Variants in ZMAT4 observed in about 807,000 individuals in gnomAD.
ZMAT4 encodes the protein zinc finger matrin-type 4, also known as zinc finger matrin-type protein 4.
ZMAT4 carries 17 observed loss-of-function variants against 28.7 expected under a neutral mutation model. That is an observed-to-expected ratio of 0.59 (90% CI 0.41 to 0.89). The LOEUF (loss-of-function observed/expected upper bound fraction) is 0.89. Ranked by LOEUF, ZMAT4 falls within the 40% of genes least tolerant of loss-of-function variation. The pLI is 0.00. For synonymous variants in ZMAT4, 117 were observed against 109.2 expected (o/e 1.07, Z -0.44); for missense variants, 240 against 283.8 (o/e 0.85, Z 1.11).
intron 3 of ZMAT4, among the ~76,000 whole-genome samples, chr8:40,741,735 G>T (rs897483142): frequency 6.6e-6 from 1 of 152,148 alleles, no homozygotes; most frequent in Admixed American, 6.5e-5. Flanking sequence ...TTGAATTGTG[G>T]CAATGACAAG....
chr8:40,742,749 G>GCACA (rs10533331), intron 3 of ZMAT4, among the ~76,000 whole-genome samples: 55 of 5,568 alleles, frequency 9.9e-3, no homozygotes, highest in African/African-American at 0.012. Flanking sequence ...GTGCACGCAT[G>GCACA]CACACACACA....
chr8:40,684,112 T>C (rs199612376), intron 4 of ZMAT4, among the ~76,000 whole-genome samples: 2 of 151,846 alleles, frequency 1.3e-5, no homozygotes, highest in East Asian at 3.9e-4. Context: ...GGGACATAAG[T>C]ACTGAAGTTG....
At chr8:40,549,980 C>T (rs1289039030) in intron 6 of ZMAT4, among the ~76,000 whole-genome samples, 1 of 152,158 alleles carries the variant, frequency 6.6e-6, no homozygotes, top group Non-Finnish European at 1.5e-5. Context: ...TCTCCTAAAA[C>T]TCACCAAACT....
intron 6 of ZMAT4, among the ~76,000 whole-genome samples, chr8:40,563,101 G>T (rs374650681): frequency 1.3e-5 from 2 of 152,036 alleles, no homozygotes; most frequent in South Asian, 4.1e-4. Flanking sequence ...GAACTCCAGA[G>T]CCATAAACCT....
intron 5 of ZMAT4, among the ~76,000 whole-genome samples, chr8:40,601,798 T>C (rs2118623101): frequency 6.6e-6 from 1 of 152,162 alleles, no homozygotes; most frequent in South Asian, 2.1e-4. Context: ...TAAGGTGTGT[T>C]TTATTCCTCT....
chr8:40,718,902 T>G (rs1484251919), intron 3 of ZMAT4, among the ~76,000 whole-genome samples: 2 of 152,140 alleles, frequency 1.3e-5, no homozygotes, highest in African/African-American at 4.8e-5. Flanking sequence ...TCCTCTAAAT[T>G]TCTGACATAT....
chr8:40,707,437 T>C (rs566966926), intron 3 of ZMAT4, among the ~76,000 whole-genome samples: 121 of 152,320 alleles, frequency 7.9e-4, no homozygotes, highest in Non-Finnish European at 1.4e-3. Context: ...ATATCACTTA[T>C]AATTATTAAA....
intron 4 of ZMAT4, among the ~76,000 whole-genome samples, chr8:40,680,700 G>GCACACA (rs111761901): frequency 0.025 from 3,784 of 149,168 alleles, 140 homozygotes; most frequent in African/African-American, 0.081. Context: ...CATGTCTAAT[G>GCACACA]TACACACACA....
At chr8:40,595,460 G>A (rs1805058794) in intron 5 of ZMAT4, among the ~76,000 whole-genome samples, 1 of 152,098 alleles carries the variant, frequency 6.6e-6, no homozygotes, top group South Asian at 2.1e-4. Context: ...AGGGAATTTT[G>A]TTGTGTGAAC....
chr8:40,622,905 C>T (rs1482961112), intron 5 of ZMAT4, among the ~76,000 whole-genome samples: 3 of 152,162 alleles, frequency 2.0e-5, no homozygotes, highest in Non-Finnish European at 4.4e-5. Context: ...CAAATTTCAA[C>T]ATGAGATTTG....
At chr8:40,865,124 C>G (rs1310302140) in intron 1 of ZMAT4, among the ~76,000 whole-genome samples, 1 of 152,166 alleles carries the variant, frequency 6.6e-6, no homozygotes, top group Non-Finnish European at 1.5e-5. Flanking sequence ...ACGGACATAT[C>G]TCAGCAAAAG....
chr8:40,788,110 A>G (rs1313657742), intron 2 of ZMAT4, among the ~76,000 whole-genome samples: 1 of 152,190 alleles, frequency 6.6e-6, no homozygotes, highest in Non-Finnish European at 1.5e-5. Flanking sequence ...ACTCAGACCA[A>G]TGGGGAAACA....
chr8:40,707,558 C>T (rs1036300603), intron 3 of ZMAT4, among the ~76,000 whole-genome samples: 6 of 151,940 alleles, frequency 3.9e-5, no homozygotes, highest in African/African-American at 1.5e-4. Context: ...CCAGAAAATA[C>T]TATTCAAACA....
At chr8:40,875,777 G>A (rs374760786) in intron 1 of ZMAT4, among the ~76,000 whole-genome samples, 4 of 152,218 alleles carry the variant, frequency 2.6e-5, no homozygotes, top group African/African-American at 9.6e-5. Context: ...AGACGATGGA[G>A]GAGGTCATTG....
At chr8:40,666,333 A>G (rs1460333737) in intron 5 of ZMAT4, among the ~76,000 whole-genome samples, 1 of 152,198 alleles carries the variant, frequency 6.6e-6, no homozygotes, top group African/African-American at 2.4e-5. Flanking sequence ...AGAGACAGGT[A>G]TCATCTTTTT....
intron 2 of ZMAT4, among the ~76,000 whole-genome samples, chr8:40,820,717 ACG>A (rs1451587727): frequency 1.3e-3 from 1 of 782 alleles, no homozygotes; most frequent in African/African-American, 5.4e-3. Flanking sequence ...GTGTATGGGT[ACG>A]TGTGTATGTC....
At chr8:40,561,885 C>A (rs557797778) in intron 6 of ZMAT4, among the ~76,000 whole-genome samples, 3 of 152,208 alleles carry the variant, frequency 2.0e-5, no homozygotes, top group East Asian at 1.9e-4. Flanking sequence ...AGATTGGACA[C>A]CCTTGGTAAG....
chr8:40,709,166 A>G (rs905941635), intron 3 of ZMAT4, among the ~76,000 whole-genome samples: 2 of 152,198 alleles, frequency 1.3e-5, no homozygotes, highest in Non-Finnish European at 2.9e-5. Context: ...CATTACTTAT[A>G]GTACCTAAGA....
At chr8:40,779,696 T>C (rs1813751123) in intron 2 of ZMAT4, among the ~76,000 whole-genome samples, 2 of 152,138 alleles carry the variant, frequency 1.3e-5, no homozygotes, top group Non-Finnish European at 2.9e-5. Context: ...CAGTGCTTCC[T>C]AGGAAAATGG....
Sources: gnomAD v4.1 joint callset for allele counts (sites outside exome capture counted in the v4.1 genomes callset) on GRCh38, gnomAD v4.1.1 for gene constraint, MANE v1.5 for transcripts, NCBI Gene and HGNC (gene_info 2026-07-23, HGNC 2026-07-21) for gene names.